TSC2: variants seen among roughly 807,000 people sequenced by gnomAD.
TSC2 encodes TSC complex subunit 2, also known as tuberin.
A neutral mutation model predicts 202.2 loss-of-function variants in TSC2; 29 were observed. The ratio of observed to expected loss-of-function variants is 0.14; its 90% CI spans 0.11 to 0.20. The LOEUF is 0.20. TSC2 is among the 10% of genes least tolerant of loss of function. The probability of loss-of-function intolerance (pLI) is 1.00; values close to 1 mark genes in which losing one functional copy is unlikely to be tolerated. For missense variants in TSC2, 2,429 were observed against 2,420.0 expected, an observed-to-expected ratio of 1.00 and a Z score of -0.08; for synonymous variants, 1,349 against 1,044.0, an observed-to-expected ratio of 1.29 and a Z score of -5.63.
rs759795928 is a variant in TSC2, at chr16:2,086,353, A to C, written c.4823A>C (p.Tyr1608Ser). ...TGTGGTGAGGACGGCCAGTTCACCT[A>C]CTGCTGGCACGATGACATCATGCAA... ...DVCGEDGQFT[Y>S]CWHDDIMQAV... The change falls in exon 37 of 42, where the codon TAC (tyrosine) becomes TCC (serine). Residue 1608 changes from tyrosine (Y) to serine (S), a missense_variant. Coordinates refer to ENST00000219476, the MANE Select transcript of TSC2 (RefSeq NM_000548.5). 3 of 1,612,772 alleles carry C rather than the reference A, an allele frequency of 1.9e-6. No individual in the cohort carries two copies. Among genetic ancestry groups the C allele is most frequent in the Non-Finnish European group, 2.5e-6 (3 of 1,179,890 alleles).
At chr16:2,064,234 T>C in intron 14 of TSC2, 38 bp from the exon 15 acceptor site, 1 of 1,613,712 alleles carries the variant, frequency 6.2e-7, no homozygotes, top group Non-Finnish European at 8.5e-7. Context: ...TGGCCCTCGT[T>C]GGGCTGGCGC....
chr16:2,089,398 G>GC lies in TSC2; in HGVS notation c.*789dup. On this transcript the variant is annotated 3_prime_UTR_variant, in exon 42 of 42. Coordinates refer to ENST00000219476, the MANE Select transcript of TSC2 (RefSeq NM_000548.5). Reference sequence around the variant, plus strand: ...ACCCTCCCTGAAGCCAGCAGCCTTAGCAGTGGGGGACATCTGCCCAGGGGG... The same window carrying GC: ...ACCCTCCCTGAAGCCAGCAGCCTTAGCCAGTGGGGGACATCTGCCCAGGGGG... 1 of 439,396 alleles carries GC rather than the reference G, an allele frequency of 2.3e-6. No individual in the cohort carries two copies. Among genetic ancestry groups the GC allele is most frequent in the East Asian group, 4.1e-5 (1 of 24,128 alleles). 27.2% of individuals were successfully genotyped at this position (439,396 alleles called of 1,614,324 possible). A position where few individuals can be genotyped will look rare whatever the true frequency, so the allele number is the denominator to read the frequency against.
At chr16:2,072,211 G>A (rs1245954291) in intron 19 of TSC2, 30 bp from the exon 20 acceptor site, 1 of 1,613,446 alleles carries the variant, frequency 6.2e-7, no homozygotes, top group Non-Finnish European at 8.5e-7. Context: ...GGTCCAGAAG[G>A]CCCTGTCCTG....
intron 30 of TSC2, 69 bp from the exon 31 acceptor site, chr16:2,081,526 C>G: frequency 8.8e-6 from 14 of 1,598,628 alleles, no homozygotes; most frequent in Non-Finnish European, 1.2e-5. Flanking sequence ...GGCCAGGAGG[C>G]CCCTGGGGGG....
intron 9 of TSC2, 150 bp from the exon 10 acceptor site, chr16:2,058,595 CTG>C: frequency 8.3e-7 from 1 of 1,211,798 alleles, no homozygotes; most frequent in Non-Finnish European, 1.2e-6. Flanking sequence ...CTGCTGGCCT[CTG>C]TTCCCTGCCC....
chr16:2,055,225 C>A, intron 5 of TSC2, 177 bp from the exon 6 acceptor site: 1 of 688,338 alleles, frequency 1.5e-6, no homozygotes, highest in Non-Finnish European at 2.6e-6. Context: ...CCGGCCTGCC[C>A]TGGGCTCCCC....
rs45517204 is a variant in TSC2 at position 2,070,584 on chromosome 16, G to A, written c.1839+6G>A. The A allele has an allele frequency of 9.4e-4, 1,517 of 1,613,002 alleles. No individual in the cohort carries two copies. Among genetic ancestry groups the A allele is most frequent in the Non-Finnish European group, 1.2e-3 (1,436 of 1,180,018 alleles). On this transcript the variant is annotated splice_donor_region_variant and intron_variant, in intron 17 of 41. Coordinates refer to ENST00000219476, the MANE Select transcript of TSC2 (RefSeq NM_000548.5). Reference sequence around the variant, plus strand: ...CGAGCAGCATCCGGCTGCAGGTATGGTGGCTGGGGTTGCGCAGCCAGTTCC... The same window carrying A: ...CGAGCAGCATCCGGCTGCAGGTATGATGGCTGGGGTTGCGCAGCCAGTTCC...
chr16:2,072,932 A>G lies in TSC2; in HGVS notation c.2304A>G (p.Pro768=). ...CTGACTTGCACCTGGCCGTGGTTCC[A>G]GTGCTGACAGCATTAATCTCTTACC... ...SRTDLHLAVV[P]VLTALISYHN... Residue 768 remains proline, a synonymous_variant, in exon 21 of 42, where the codon CCA becomes CCG. Transcript: ENST00000219476. 6.2e-7 allele frequency: 1 copy of G among 1,613,626 alleles called. No individual in the cohort carries two copies. Among genetic ancestry groups the G allele is most frequent in the Non-Finnish European group, 8.5e-7 (1 of 1,180,036 alleles).
chr16:2,055,890 C>CAAAA lies in TSC2; in HGVS notation c.600-290_600-287dup, dbSNP rs373314420. On this transcript the variant is annotated intron_variant, in intron 6 of 41. Transcript: ENST00000219476. ...TGGGTGAAAGAGCAAAACTCCATCT[C>CAAAA]AAAAAAAAAAAAAAAAAAAGAGAAG... 587 of 266,144 alleles carry CAAAA rather than the reference C, an allele frequency of 2.2e-3. 5 individuals are homozygous for CAAAA. The highest frequency in any genetic ancestry group is 8.7e-3 in the African/African-American group (260 of 29,986). 16.5% of individuals were successfully genotyped at this position (266,144 alleles called of 1,614,324 possible).
At chr16:2,060,205 A>G (rs2086457528) in intron 10 of TSC2, among the ~76,000 whole-genome samples, 1 of 152,134 alleles carries the variant, frequency 6.6e-6, no homozygotes, top group Admixed American at 6.5e-5. Flanking sequence ...TTCTGTGCTC[A>G]CAGCTCCCTG....
intron 30 of TSC2, 58 bp from the exon 31 acceptor site, chr16:2,081,536 GC>G (rs1428899091): frequency 1.1e-5 from 18 of 1,609,478 alleles, no homozygotes; most frequent in Middle Eastern, 3.3e-4. Flanking sequence ...CCCCTGGGGG[GC>G]CAGAGATGGG....
intron 16 of TSC2, among the ~76,000 whole-genome samples, chr16:2,066,651 C>CTTTTTTTTTTTTTTTTTTTTTTTTTTTTT (rs34619573): frequency 1.0e-5 from 1 of 98,458 alleles, no homozygotes; most frequent in Non-Finnish European, 1.9e-5. Context: ...TCTGATTTAT[C>CTTTTTTTTTTTTTTTTTTTTTTTTTTTTT]TTTTTTTTTT....
In TSC2 at chr16:2,088,380, C is replaced by T. The variant is rs370562614; in HGVS notation, c.5259+55C>T. 42 of 1,612,156 alleles carry T rather than the reference C, an allele frequency of 2.6e-5. No individual in the cohort carries two copies. The highest frequency in any genetic ancestry group is 3.3e-4 in the Middle Eastern group (2 of 6,062). On this transcript the variant is annotated intron_variant, in intron 41 of 41. Coordinates refer to ENST00000219476, the MANE Select transcript of TSC2 (RefSeq NM_000548.5). ...TGTGCTGGCTGCCCAAGCTGTGGGG[C>T]GGGTGTGTGGGCAGAGCGGTTGCCA...
intron 17 of TSC2, 38 bp downstream of exon 17, chr16:2,070,616 C>A (rs761531032): frequency 3.1e-6 from 5 of 1,612,332 alleles, no homozygotes; most frequent in Non-Finnish European, 4.2e-6. Flanking sequence ...TTCCTGGGGG[C>A]CCAGCCAGGT....
intron 5 of TSC2, chr16:2,054,700 C>T (rs1325850170): frequency 9.0e-6 from 5 of 553,408 alleles, no homozygotes; most frequent in Non-Finnish European, 1.3e-5. Context: ...AACACCTCTG[C>T]AACGGCAGGA....
chr16:2,088,498 C>T lies in TSC2; in HGVS notation c.5312C>T (p.Pro1771Leu), dbSNP rs137854214. The T allele has an allele frequency of 1.2e-4, 201 of 1,612,874 alleles. 1 individual carries two copies. In the African/African-American group the frequency reaches 1.5e-3, roughly 12 times the overall value. ...SNPSLPLVHP[P>L]SHSKAPAQTP... ...CCCAGCCTACCTCTGGTGCACCCTC[C>T]GTCCCATAGCAAAGCCCCTGCACAG... The change falls in exon 42 of 42, where the codon CCG becomes CTG. Residue 1771 changes from proline to leucine, a missense_variant. Physicochemically the swap from Pro to Leu is moderately conservative, Grantham distance 98. Transcript: ENST00000219476.
rs772983704 is a variant in TSC2, at chr16:2,054,281, G to C, written c.337-15G>C. 5.6e-6 allele frequency: 9 copies of C among 1,614,030 alleles called. No homozygotes were observed. The East Asian group carries it at 8.9e-5, about 16-fold the overall frequency. ...CGCTGGCAGGCTCTGCTGATCCTGT[G>C]GCTTTTGTCTTTAGGGCGAGCGTTT... On this transcript the variant is annotated splice_polypyrimidine_tract_variant and intron_variant, in intron 4 of 41. Coordinates refer to ENST00000219476, the MANE Select transcript of TSC2 (RefSeq NM_000548.5).
chr16:2,089,031 T>C lies in TSC2; in HGVS notation c.*421T>C, dbSNP rs111786159. The C allele has an allele frequency of 5.9e-5, 12 of 202,316 alleles. No homozygotes were observed. The highest frequency in any genetic ancestry group is 2.3e-4 in the African/African-American group (10 of 42,992). 12.5% of individuals were successfully genotyped at this position (202,316 alleles called of 1,614,324 possible). On this transcript the variant is annotated 3_prime_UTR_variant, in exon 42 of 42. Transcript: ENST00000219476. ...CCAGCAGGCCTGGGCGCTGCTCTCT[T>C]GCTACCTGGCCTGGGGCAAGGGAGG...
chr16:2,062,815 C>A, intron 13 of TSC2, 157 bp from the exon 14 acceptor site: 2 of 959,156 alleles, frequency 2.1e-6, no homozygotes, highest in Non-Finnish European at 3.2e-6. Context: ...TTTCGGGGGT[C>A]GTCTGGAGAG....
Sources: gnomAD v4.1 joint callset for allele counts (sites outside exome capture counted in the v4.1 genomes callset) on GRCh38, gnomAD v4.1.1 for gene constraint, MANE v1.5 for transcripts, NCBI Gene and HGNC (gene_info 2026-07-23, HGNC 2026-07-21) for gene names.